Variants in ZNF385D observed in about 807,000 individuals in gnomAD.
ZNF385D encodes the protein zinc finger protein 385D.
Under a neutral mutation model 35.8 loss-of-function variants are expected in ZNF385D, and 15 were observed. That is an observed-to-expected ratio of 0.42 (90% CI 0.28 to 0.64). The LOEUF is 0.64. ZNF385D is among the 30% of genes least tolerant of loss of function. The probability of loss-of-function intolerance (pLI) is 0.23; values close to 1 mark genes in which losing one functional copy is unlikely to be tolerated. For missense variants in ZNF385D, 474 were observed against 494.6 expected, an observed-to-expected ratio of 0.96 and a Z score of 0.39; for synonymous variants, 212 against 186.8, an observed-to-expected ratio of 1.13 and a Z score of -1.10.
chr3:21,942,067 A>T (rs9310666), intron 3 of ZNF385D, among the ~76,000 whole-genome samples: 1 of 152,052 alleles, frequency 6.6e-6, no homozygotes, highest in Non-Finnish European at 1.5e-5. Flanking sequence ...TGTCAAATGT[A>T]TATGTTATAG....
At chr3:22,156,624 T>C (rs944519593) in intron 3 of ZNF385D, among the ~76,000 whole-genome samples, 3 of 152,142 alleles carry the variant, frequency 2.0e-5, no homozygotes, top group African/African-American at 7.2e-5. Flanking sequence ...TACAAACAGA[T>C]GGTCATGAAA....
chr3:22,069,517 A>G (rs2125559391), intron 3 of ZNF385D, among the ~76,000 whole-genome samples: 1 of 152,302 alleles, frequency 6.6e-6, no homozygotes, highest in South Asian at 2.1e-4. Context: ...GCATGCTAAC[A>G]TTTTGGACTT....
At chr3:21,914,733 TAAG>T (rs1272277744) in intron 3 of ZNF385D, among the ~76,000 whole-genome samples, 1 of 152,078 alleles carries the variant, frequency 6.6e-6, no homozygotes, top group East Asian at 1.9e-4. Context: ...TGCAGCATCT[TAAG>T]AAAGAGTTTT....
intron 3 of ZNF385D, among the ~76,000 whole-genome samples, chr3:22,119,269 T>C (rs1281910340): frequency 6.6e-6 from 1 of 152,146 alleles, no homozygotes; most frequent in Non-Finnish European, 1.5e-5. Context: ...TCTTCATTAC[T>C]ATAAAATTAG....
intron 3 of ZNF385D, among the ~76,000 whole-genome samples, chr3:22,090,367 ATAT>A (rs1178578522): frequency 1.3e-5 from 2 of 152,166 alleles, no homozygotes; most frequent in Non-Finnish European, 2.9e-5. Context: ...TGCCTGTGGT[ATAT>A]TGTGATAAAG....
At chr3:22,064,522 A>G (rs146365979) in intron 3 of ZNF385D, among the ~76,000 whole-genome samples, 1 of 152,350 alleles carries the variant, frequency 6.6e-6, no homozygotes, top group Non-Finnish European at 1.5e-5. Context: ...AATAACTAAG[A>G]TAGGAAAGCA....
chr3:21,682,352 A>G (rs564184549), intron 1 of ZNF385D, among the ~76,000 whole-genome samples: 1 of 150,304 alleles, frequency 6.7e-6, no homozygotes, highest in African/African-American at 2.4e-5. Context: ...GGCAAGTAAG[A>G]GTAAGGGGAA....
intron 2 of ZNF385D, among the ~76,000 whole-genome samples, chr3:21,568,689 T>G (rs2063230160): frequency 6.6e-6 from 1 of 152,178 alleles, no homozygotes; most frequent in Admixed American, 6.6e-5. Flanking sequence ...ATGTTTTAAA[T>G]GCATGATTTC....
At chr3:22,118,861 A>T (rs1266617498) in intron 3 of ZNF385D, among the ~76,000 whole-genome samples, 1 of 152,096 alleles carries the variant, frequency 6.6e-6, no homozygotes, top group East Asian at 1.9e-4. Context: ...AGCATTTCAC[A>T]TGTACTTTCC....
intron 2 of ZNF385D, among the ~76,000 whole-genome samples, chr3:22,188,727 G>A (rs574122728): frequency 4.3e-4 from 65 of 152,264 alleles, no homozygotes; most frequent in Middle Eastern, 6.8e-3. Flanking sequence ...TGAGATTACA[G>A]GCATGAGCCA....
chr3:21,781,149 T>A (rs374482646), intron 3 of ZNF385D, among the ~76,000 whole-genome samples: 12 of 152,018 alleles, frequency 7.9e-5, no homozygotes, highest in African/African-American at 2.9e-4. Flanking sequence ...GCTATAGTGT[T>A]CCTTTAGAAA....
intron 2 of ZNF385D, among the ~76,000 whole-genome samples, chr3:22,245,810 T>A (rs1450483942): frequency 1.3e-5 from 2 of 152,066 alleles, no homozygotes; most frequent in African/African-American, 2.4e-5. Context: ...TCAGGCAAGA[T>A]GATAAACTTC....
chr3:21,984,306 G>A (rs1213499412), intron 3 of ZNF385D, among the ~76,000 whole-genome samples: 31 of 143,462 alleles, frequency 2.2e-4, no homozygotes, highest in Middle Eastern at 6.8e-3. Context: ...TAGGTCTAAC[G>A]TTTAAATCTT....
At chr3:21,490,308 G>A (rs1391497527) in intron 4 of ZNF385D, among the ~76,000 whole-genome samples, 1 of 152,064 alleles carries the variant, frequency 6.6e-6, no homozygotes, top group African/African-American at 2.4e-5. Flanking sequence ...TGGGGCAACA[G>A]GTGTGTGTCA....
At chr3:21,576,060 G>C (rs2063488391) in intron 2 of ZNF385D, among the ~76,000 whole-genome samples, 1 of 152,164 alleles carries the variant, frequency 6.6e-6, no homozygotes, top group African/African-American at 2.4e-5. Flanking sequence ...CCAACTCTGT[G>C]AGTAAACTCT....
At chr3:22,169,497 T>G (rs182800326) in intron 2 of ZNF385D, among the ~76,000 whole-genome samples, 2 of 152,320 alleles carry the variant, frequency 1.3e-5, no homozygotes, top group East Asian at 3.9e-4. Flanking sequence ...TTAATTCAAC[T>G]AAATAAAGTT....
At chr3:22,259,741 T>A (rs762077149) in intron 2 of ZNF385D, among the ~76,000 whole-genome samples, 1 of 151,990 alleles carries the variant, frequency 6.6e-6, no homozygotes, top group South Asian at 2.1e-4. Flanking sequence ...GGTCCTTATA[T>A]AGTTGGTACC....
chr3:21,641,362 A>C (rs927013880), intron 2 of ZNF385D, among the ~76,000 whole-genome samples: 5 of 151,898 alleles, frequency 3.3e-5, no homozygotes, highest in Admixed American at 3.3e-4. Flanking sequence ...AAAGAGAGGG[A>C]GTGAGCAGAG....
chr3:21,840,983 A>G (rs1329764866), intron 3 of ZNF385D, among the ~76,000 whole-genome samples: 1 of 152,012 alleles, frequency 6.6e-6, no homozygotes, highest in Non-Finnish European at 1.5e-5. Flanking sequence ...GGGTTGGTCA[A>G]TTTAGCTTCC....
Sources: allele counts gnomAD v4.1 joint callset (sites outside exome capture counted in the v4.1 genomes callset), GRCh38; gene constraint gnomAD v4.1.1; transcripts MANE v1.5; gene names NCBI Gene and HGNC (gene_info 2026-07-23, HGNC 2026-07-21).